Variants in PTPRD observed in about 807,000 individuals in gnomAD.
PTPRD encodes the protein receptor-type tyrosine-protein phosphatase delta.
In PTPRD, 34 loss-of-function variants were observed where a neutral mutation model predicts 214.5. The observed-to-expected ratio is 0.16, with a 90% CI of 0.12 to 0.21. The LOEUF (loss-of-function observed/expected upper bound fraction) is 0.21, where lower values mean the gene tolerates loss of function less well. PTPRD is among the 10% of genes least tolerant of loss of function. The probability of loss-of-function intolerance (pLI) is 1.00; values close to 1 mark genes in which losing one functional copy is unlikely to be tolerated. For synonymous variants in PTPRD, 1,128 were observed against 845.7 expected, an observed-to-expected ratio of 1.33 and a Z score of -5.79; for missense variants, 2,545 against 2,398.7, an observed-to-expected ratio of 1.06 and a Z score of -1.27.
chr9:9,925,421 T>G (rs2153893736), intron 5 of PTPRD, among the ~76,000 whole-genome samples: 1 of 152,228 alleles, frequency 6.6e-6, no homozygotes, highest in South Asian at 2.1e-4. Flanking sequence ...TTTAAGGTCT[T>G]ACATACAGGA....
intron 7 of PTPRD, among the ~76,000 whole-genome samples, chr9:9,639,942 G>C (rs1475681490): frequency 2.6e-5 from 4 of 152,162 alleles, no homozygotes; most frequent in South Asian, 2.1e-4. Flanking sequence ...TTGTTCTGTA[G>C]AGTATGAGGA....
intron 11 of PTPRD, among the ~76,000 whole-genome samples, chr9:8,890,230 A>C (rs2098527214): frequency 6.6e-6 from 1 of 152,258 alleles, no homozygotes; most frequent in African/African-American, 2.4e-5. Flanking sequence ...AGACTTGCAT[A>C]GCAATTCAAA....
chr9:8,847,803 G>A (rs1051722329), intron 11 of PTPRD, among the ~76,000 whole-genome samples: 3 of 152,010 alleles, frequency 2.0e-5, no homozygotes, highest in East Asian at 1.9e-4. Context: ...TGAAACTAAC[G>A]GGTGAAATGA....
intron 5 of PTPRD, among the ~76,000 whole-genome samples, chr9:9,878,463 T>C (rs1055423277): frequency 2.6e-5 from 4 of 152,106 alleles, no homozygotes; most frequent in African/African-American, 9.7e-5. Context: ...GTCATCTAAG[T>C]GAAGACTTAA....
chr9:9,740,832 C>G (rs1238367744), intron 6 of PTPRD, among the ~76,000 whole-genome samples: 1 of 152,020 alleles, frequency 6.6e-6, no homozygotes, highest in Non-Finnish European at 1.5e-5. Context: ...ACCAGCTCTT[C>G]CAAGGAAAGT....
At chr9:9,952,374 T>G (rs934873734) in intron 4 of PTPRD, among the ~76,000 whole-genome samples, 7 of 152,164 alleles carry the variant, frequency 4.6e-5, no homozygotes, top group African/African-American at 1.4e-4. Flanking sequence ...CGTGGTGCCT[T>G]GACCACAGGC....
intron 12 of PTPRD, 84 bp from the exon 13 acceptor site, chr9:8,636,928 C>T (rs2154328781): frequency 7.5e-7 from 1 of 1,334,292 alleles, no homozygotes; most frequent in Admixed American, 1.9e-5. Flanking sequence ...CCCCACCATC[C>T]TCAACCACAC....
chr9:9,881,655 C>G (rs2068731752), intron 5 of PTPRD, among the ~76,000 whole-genome samples: 1 of 152,074 alleles, frequency 6.6e-6, no homozygotes, highest in Non-Finnish European at 1.5e-5. Flanking sequence ...TTTATGAACC[C>G]TGGTATGATA....
intron 14 of PTPRD, among the ~76,000 whole-genome samples, chr9:8,605,485 A>C (rs1469476430): frequency 6.6e-6 from 1 of 152,224 alleles, no homozygotes; most frequent in Non-Finnish European, 1.5e-5. Flanking sequence ...TTCACAAAAG[A>C]GAAGAGCTTC....
At chr9:9,332,858 AGT>A (rs955056916) in intron 9 of PTPRD, among the ~76,000 whole-genome samples, 4 of 152,072 alleles carry the variant, frequency 2.6e-5, no homozygotes, top group African/African-American at 9.7e-5. Flanking sequence ...ACTTTCATCA[AGT>A]GGATACATGT....
intron 3 of PTPRD, among the ~76,000 whole-genome samples, chr9:10,122,771 G>A (rs569471273): frequency 1.3e-5 from 2 of 152,222 alleles, no homozygotes; most frequent in South Asian, 2.1e-4. Context: ...CCATACTCAC[G>A]AAAGGGACCT....
At chr9:9,410,964 T>C (rs1334036274) in intron 8 of PTPRD, among the ~76,000 whole-genome samples, 2 of 152,156 alleles carry the variant, frequency 1.3e-5, no homozygotes, top group East Asian at 3.9e-4. Flanking sequence ...TGTGGGCGCG[T>C]GCCTGCCTTC....
chr9:10,463,329 C>T (rs529455858), intron 2 of PTPRD, among the ~76,000 whole-genome samples: 1 of 151,866 alleles, frequency 6.6e-6, no homozygotes, highest in Admixed American at 6.6e-5. Context: ...ATCTGCTTAC[C>T]AGAAGTTAAG....
chr9:8,882,883 T>TAAAAAAAAAAA (rs1566813182), intron 11 of PTPRD, among the ~76,000 whole-genome samples: 1 of 38,532 alleles, frequency 2.6e-5, no homozygotes, highest in Non-Finnish European at 5.6e-5. Context: ...AGGCTCTGTC[T>TAAAAAAAAAAA]CAAAAAAAAA....
At chr9:9,947,686 AGATTTTCGTTCT>A (rs2092967993) in intron 4 of PTPRD, among the ~76,000 whole-genome samples, 2 of 122,722 alleles carry the variant, frequency 1.6e-5, no homozygotes, top group South Asian at 4.6e-4. Context: ...AGGTCAAGTT[AGATTTTCGTTCT>A]GATTTTTGGT....
chr9:10,005,320 CT>C (rs1429933033), intron 4 of PTPRD, among the ~76,000 whole-genome samples: 19 of 152,044 alleles, frequency 1.2e-4, no homozygotes, highest in African/African-American at 4.1e-4. Flanking sequence ...ATCATGATGG[CT>C]ATTTCTTTTC....
chr9:9,741,552 C>A (rs575130921), intron 6 of PTPRD, among the ~76,000 whole-genome samples: 79 of 152,164 alleles, frequency 5.2e-4, no homozygotes, highest in African/African-American at 1.8e-3. Context: ...GTTTGCTGCA[C>A]CCATCAACCC....
chr9:9,363,946 T>C (rs1296698173), intron 9 of PTPRD, among the ~76,000 whole-genome samples: 1 of 151,446 alleles, frequency 6.6e-6, no homozygotes, highest in Non-Finnish European at 1.5e-5. Context: ...TCCTTTGTAA[T>C]TCATTATATC....
intron 3 of PTPRD, among the ~76,000 whole-genome samples, chr9:10,208,966 T>C (rs1043078625): frequency 6.6e-6 from 1 of 152,160 alleles, no homozygotes; most frequent in African/African-American, 2.4e-5. Flanking sequence ...AACAAAATGA[T>C]ATAAAGAGCT....
Sources: gnomAD v4.1 joint callset for allele counts (sites outside exome capture counted in the v4.1 genomes callset) on GRCh38, gnomAD v4.1.1 for gene constraint, MANE v1.5 for transcripts, NCBI Gene and HGNC (gene_info 2026-07-23, HGNC 2026-07-21) for gene names.